The following FZD6 variants were observed in gnomAD, a reference collection of about 807,000 sequenced individuals.
The protein encoded by FZD6 is frizzled-6.
In FZD6, 49 loss-of-function variants were observed where a neutral mutation model predicts 61.4. The ratio of observed to expected loss-of-function variants is 0.80; its 90% CI spans 0.63 to 1.01. The LOEUF (loss-of-function observed/expected upper bound fraction) is 1.01, where lower values mean the gene tolerates loss of function less well. Among genes scored for constraint, FZD6 ranks in the 50% least tolerant of loss-of-function variants. FZD6 has a pLI of 0.00. For synonymous variants in FZD6, 265 were observed against 292.2 expected (o/e 0.91, Z 0.95); for missense variants, 724 against 848.2 (o/e 0.85, Z 1.82).
chr8:103,330,901 G>T (rs1815100011), intron 6 of FZD6, among the ~76,000 whole-genome samples: 1 of 152,198 alleles, frequency 6.6e-6, no homozygotes, highest in African/African-American at 2.4e-5. Context: ...TATTTGGCCA[G>T]GCACGGTGGC....
intron 2 of FZD6, among the ~76,000 whole-genome samples, chr8:103,310,327 T>A (rs931489257): frequency 1.6e-4 from 25 of 152,186 alleles, no homozygotes; most frequent in African/African-American, 5.8e-4. Flanking sequence ...TGGAGTGCAG[T>A]GGCACAATCA....
intron 2 of FZD6, among the ~76,000 whole-genome samples, chr8:103,313,563 A>T (rs3133825): frequency 0.11 from 16,731 of 152,212 alleles, 1,212 homozygotes; most frequent in East Asian, 0.2. Context: ...CCTCCTTTTA[A>T]CTTCTTATTT....
chr8:103,313,766 G>A (rs1297083298), intron 2 of FZD6, among the ~76,000 whole-genome samples: 1 of 69,820 alleles, frequency 1.4e-5, no homozygotes, highest in Non-Finnish European at 2.7e-5. Context: ...TTTTCTGTGT[G>A]TGTGTGTGTG....
intron 4 of FZD6, 24 bp from the exon 5 acceptor site, chr8:103,328,244 A>G (rs1194590879): frequency 1.3e-6 from 2 of 1,583,636 alleles, no homozygotes; most frequent in Non-Finnish European, 1.7e-6. Context: ...CACTGAAAAT[A>G]TTATTATTCA....
intron 3 of FZD6, among the ~76,000 whole-genome samples, chr8:103,321,190 G>C (rs1554622638): frequency 1.3e-5 from 2 of 152,190 alleles, no homozygotes; most frequent in Non-Finnish European, 2.9e-5. Flanking sequence ...GATTTTTGGA[G>C]AAACGGAATT....
chr8:103,314,593 G>T (rs1814581349), intron 2 of FZD6, among the ~76,000 whole-genome samples: 1 of 152,160 alleles, frequency 6.6e-6, no homozygotes, highest in African/African-American at 2.4e-5. Flanking sequence ...GTCAACCATG[G>T]CAACCCTGTC....
intron 2 of FZD6, among the ~76,000 whole-genome samples, chr8:103,315,152 TAG>T (rs1282915538): frequency 6.6e-6 from 1 of 152,194 alleles, no homozygotes; most frequent in African/African-American, 2.4e-5. Context: ...TGCTAATATA[TAG>T]AGTCAGTGTA....
rs1183370179 is a variant in FZD6, at chr8:103,300,222, A to G, written c.115A>G (p.Met39Val). ...VPRCMKMAYN[M>V]TFFPNLMGHY... is the part of the protein sequence containing the mutation. ...CAGATGTATGAAAATGGCCTACAAC[A>G]TGACGTTTTTCCCTAATCTGATGGG... Residue 39 changes from methionine (M) to valine (V), a missense_variant, in exon 2 of 7, where the codon ATG becomes GTG. By Grantham distance (21) the Met-to-Val change is conservative. Transcript: ENST00000358755. 1.2e-6 allele frequency: 2 copies of G among 1,611,882 alleles called. No individual in the cohort carries two copies. Among genetic ancestry groups the G allele is most frequent in the East Asian group, 4.5e-5 (2 of 44,864 alleles).
At chr8:103,330,903 C>T (rs964590582) in intron 6 of FZD6, among the ~76,000 whole-genome samples, 10 of 152,204 alleles carry the variant, frequency 6.6e-5, no homozygotes, top group African/African-American at 2.4e-4. Flanking sequence ...TTTGGCCAGG[C>T]ACGGTGGCTC....
chr8:103,302,040 T>C (rs1379872991), intron 2 of FZD6, among the ~76,000 whole-genome samples: 1 of 151,914 alleles, frequency 6.6e-6, no homozygotes, highest in Non-Finnish European at 1.5e-5. Context: ...TAATGAAGTT[T>C]TTTTTTTTGC....
intron 3 of FZD6, among the ~76,000 whole-genome samples, chr8:103,322,581 G>A (rs963894888): frequency 2.6e-5 from 4 of 152,066 alleles, no homozygotes; most frequent in African/African-American, 4.8e-5. Context: ...TTCCACATTA[G>A]TCTTGATTAA....
chr8:103,304,239 T>C (rs571859380), intron 2 of FZD6, among the ~76,000 whole-genome samples: 1 of 152,346 alleles, frequency 6.6e-6, no homozygotes, highest in African/African-American at 2.4e-5. Context: ...TCCTTTTTTG[T>C]TCCTAGTTTT....
chr8:103,319,490 T>C, intron 3 of FZD6, among the ~76,000 whole-genome samples: 1 of 151,988 alleles, frequency 6.6e-6, no homozygotes, highest in Non-Finnish European at 1.5e-5. Flanking sequence ...ATGGCACCTG[T>C]GTCAGTCTCC....
At chr8:103,327,386 A>G (rs1814981677) in intron 4 of FZD6, among the ~76,000 whole-genome samples, 2 of 152,178 alleles carry the variant, frequency 1.3e-5, no homozygotes, top group Non-Finnish European at 2.9e-5. Context: ...CCTGAGCTCA[A>G]GAGTTCAAGA....
At chr8:103,307,403 A>C (rs1167457432) in intron 2 of FZD6, among the ~76,000 whole-genome samples, 1 of 152,214 alleles carries the variant, frequency 6.6e-6, no homozygotes, top group East Asian at 1.9e-4. Context: ...TAAATAAATA[A>C]ATATTTGAAG....
intron 2 of FZD6, among the ~76,000 whole-genome samples, chr8:103,305,682 C>G (rs958457231): frequency 4.6e-5 from 7 of 152,200 alleles, no homozygotes; most frequent in African/African-American, 1.7e-4. Flanking sequence ...GTGTTCCAAG[C>G]CAGTTGCGTG....
intron 4 of FZD6, among the ~76,000 whole-genome samples, chr8:103,327,859 G>T (rs987403902): frequency 6.6e-6 from 1 of 151,806 alleles, no homozygotes; most frequent in Non-Finnish European, 1.5e-5. Context: ...TATTAATAAC[G>T]TATAAAAGCT....
chr8:103,300,826 T>G (rs1446661211), intron 2 of FZD6, among the ~76,000 whole-genome samples: 1 of 152,196 alleles, frequency 6.6e-6, no homozygotes, highest in Non-Finnish European at 1.5e-5. Context: ...TATATGTTCT[T>G]TATAAGATAC....
intron 3 of FZD6, among the ~76,000 whole-genome samples, chr8:103,322,757 C>T (rs1814827679): frequency 6.6e-6 from 1 of 152,128 alleles, no homozygotes; most frequent in South Asian, 2.1e-4. Context: ...CTGGTAGATA[C>T]ATAATCATTT....
Sources: gnomAD v4.1 joint callset for allele counts (sites outside exome capture counted in the v4.1 genomes callset) on GRCh38, gnomAD v4.1.1 for gene constraint, MANE v1.5 for transcripts, NCBI Gene and HGNC (gene_info 2026-07-23, HGNC 2026-07-21) for gene names.